Variants in CCDC15 observed in about 807,000 individuals in gnomAD.
CCDC15 encodes the protein coiled-coil domain-containing protein 15.
Under a neutral mutation model 114.5 loss-of-function variants are expected in CCDC15, and 105 were observed. That is an observed-to-expected ratio of 0.92 (90% CI 0.78 to 1.08). The LOEUF (loss-of-function observed/expected upper bound fraction) is 1.08. CCDC15 is among the 50% of genes least tolerant of loss of function. CCDC15 has a pLI of 0.00. For synonymous variants in CCDC15, 334 were observed against 377.8 expected (o/e 0.88, Z 1.34); for missense variants, 1,105 against 1,093.6 (o/e 1.01, Z -0.15).
chr11:124,971,705 A>G (rs1049149431), intron 4 of CCDC15, among the ~76,000 whole-genome samples: 1 of 152,154 alleles, frequency 6.6e-6, no homozygotes, highest in African/African-American at 2.4e-5. Context: ...AGTAAAGTAA[A>G]TAGTTGCATG....
chr11:124,977,623 G>T lies in CCDC15; in HGVS notation c.753+23G>T, dbSNP rs768805729. On this transcript the variant is annotated intron_variant, in intron 6 of 15. Coordinates refer to ENST00000344762, the MANE Select transcript of CCDC15 (RefSeq NM_025004.3). ...CAGGTAGGGAAATATAAAAAGTAGAGGGGAAAGACATTGGCTTATTAGAAG... is the reference window on the plus strand; with the variant it reads ...CAGGTAGGGAAATATAAAAAGTAGATGGGAAAGACATTGGCTTATTAGAAG... The T allele has an allele frequency of 2.9e-5, 47 of 1,593,572 alleles. No individual in the cohort carries two copies. In the African/African-American group the frequency reaches 4.2e-4, roughly 14 times the overall value.
At chr11:124,992,758 G>A in intron 10 of CCDC15, 71 bp downstream of exon 10, 2 of 836,906 alleles carry the variant, frequency 2.4e-6, no homozygotes, top group Admixed American at 5.0e-5. Context: ...TATTAACATT[G>A]AGGCTGAAGC....
At chr11:125,027,223 A>G (rs1948709574) in intron 13 of CCDC15, among the ~76,000 whole-genome samples, 3 of 152,142 alleles carry the variant, frequency 2.0e-5, no homozygotes, top group South Asian at 2.1e-4. Flanking sequence ...TCTTTTTCAT[A>G]TAATGACTTC....
chr11:124,989,282 A>AT (rs1337906903), intron 8 of CCDC15, among the ~76,000 whole-genome samples: 2 of 151,964 alleles, frequency 1.3e-5, no homozygotes, highest in African/African-American at 4.8e-5. Context: ...AGGCATCTTT[A>AT]TTTTTTTTGG....
At chr11:125,034,731 C>A (rs1948764501) in intron 13 of CCDC15, among the ~76,000 whole-genome samples, 1 of 152,058 alleles carries the variant, frequency 6.6e-6, no homozygotes, top group South Asian at 2.1e-4. Flanking sequence ...GTGCCAGGGA[C>A]CATAGTGTTC....
chr11:124,994,551 TGA>T (rs1399223068), intron 11 of CCDC15, among the ~76,000 whole-genome samples: 1 of 152,158 alleles, frequency 6.6e-6, no homozygotes, highest in East Asian at 1.9e-4. Context: ...TTTTACAGTG[TGA>T]GAGGGGAAGA....
chr11:124,980,552 G>C (rs549563786), intron 6 of CCDC15, among the ~76,000 whole-genome samples: 2 of 152,158 alleles, frequency 1.3e-5, no homozygotes, highest in Non-Finnish European at 2.9e-5. Context: ...TCTAGCTTGT[G>C]TGCATAGAGG....
At chr11:125,028,736 A>T (rs977976824) in intron 13 of CCDC15, among the ~76,000 whole-genome samples, 1 of 152,144 alleles carries the variant, frequency 6.6e-6, no homozygotes, top group Non-Finnish European at 1.5e-5. Flanking sequence ...TCATATCATC[A>T]GCAAACAGTG....
At position 124,954,857 on chromosome 11, in the gene CCDC15, T is replaced by A; in HGVS notation, c.125T>A (p.Val42Asp). 1 of 1,613,990 alleles carries A rather than the reference T, an allele frequency of 6.2e-7. No homozygotes were observed. The highest frequency in any genetic ancestry group is 8.5e-7 in the Non-Finnish European group (1 of 1,179,860). Residue 42 changes from valine (V) to aspartate (D), a missense_variant, in exon 2 of 16, where the codon GTT (valine) becomes GAT (aspartate). Physicochemically the swap from Val to Asp is radical, Grantham distance 152 (BLOSUM62 -3). Coordinates refer to ENST00000344762, the MANE Select transcript of CCDC15 (RefSeq NM_025004.3). ...GAGAGGAACGAGGCTATAGTACCAG[T>A]TGGGGCATGGGTGGAACCTGCCTCA... ...LAERNEAIVP[V>D]GAWVEPASPG...
intron 13 of CCDC15, among the ~76,000 whole-genome samples, chr11:125,011,236 A>G (rs1383289320): frequency 7.5e-6 from 1 of 133,622 alleles, no homozygotes; most frequent in Admixed American, 7.2e-5. Context: ...TATTATTATT[A>G]TTATTATTAT....
intron 13 of CCDC15, among the ~76,000 whole-genome samples, chr11:125,015,019 C>T (rs11219867): frequency 6.6e-6 from 1 of 151,554 alleles, no homozygotes; most frequent in Non-Finnish European, 1.5e-5. Flanking sequence ...TCATGGATCA[C>T]AGAAAAAATT....
intron 13 of CCDC15, among the ~76,000 whole-genome samples, chr11:125,034,812 CCCAAAA>C (rs146940239): frequency 4.9e-4 from 74 of 152,124 alleles, no homozygotes; most frequent in African/African-American, 1.7e-3. Flanking sequence ...CTCCAGAAAC[CCCAAAA>C]CCAACAAAAG....
At chr11:124,993,534 C>G (rs528471780) in intron 11 of CCDC15, among the ~76,000 whole-genome samples, 1 of 152,106 alleles carries the variant, frequency 6.6e-6, no homozygotes, top group East Asian at 1.9e-4. Context: ...AACTTATGTT[C>G]AGTGTTTATG....
chr11:125,004,582 A>T (rs951452720), intron 12 of CCDC15, among the ~76,000 whole-genome samples: 2 of 151,996 alleles, frequency 1.3e-5, no homozygotes, highest in African/African-American at 2.4e-5. Context: ...GTATATATAA[A>T]TCCAGAGGAA....
chr11:124,956,943 GC>G, intron 2 of CCDC15, among the ~76,000 whole-genome samples: 1 of 152,214 alleles, frequency 6.6e-6, no homozygotes, highest in South Asian at 2.1e-4. Flanking sequence ...ATTTCAGGGG[GC>G]CATCAGGATT....
chr11:124,969,967 G>A (rs1202686920), intron 4 of CCDC15, among the ~76,000 whole-genome samples: 1 of 152,064 alleles, frequency 6.6e-6, no homozygotes, highest in Non-Finnish European at 1.5e-5. Context: ...CTTCTCATAG[G>A]GTGACCAACC....
intron 13 of CCDC15, among the ~76,000 whole-genome samples, chr11:125,022,343 T>TAC (rs1555074210): frequency 2.6e-5 from 4 of 151,962 alleles, no homozygotes; most frequent in African/African-American, 9.7e-5. Flanking sequence ...TCTCCCCTAT[T>TAC]ACAACTTTAT....
In CCDC15 at chr11:125,029,813, T is replaced by C. The variant is rs369918335; in HGVS notation, c.2412-8618T>C. On this transcript the variant is annotated intron_variant, in intron 13 of 15. Transcript: ENST00000344762. ...TGGATTGGGCTGTTGTAGTTTCCCATTGACCTTAATCACAGGGCATGGTAA... is the reference window on the plus strand; with the variant it reads ...TGGATTGGGCTGTTGTAGTTTCCCACTGACCTTAATCACAGGGCATGGTAA... 1.8e-4 allele frequency among the ~76,000 whole-genome samples: 28 copies of C among 152,176 alleles called. 1 individual carries two copies. Among genetic ancestry groups the C allele is most frequent in the Admixed American group, 1.4e-3 (22 of 15,286 alleles).
intron 13 of CCDC15, among the ~76,000 whole-genome samples, chr11:125,005,902 A>G (rs896407524): frequency 1.3e-5 from 2 of 151,918 alleles, no homozygotes; most frequent in African/African-American, 4.8e-5. Flanking sequence ...TAGCTCATTT[A>G]TTTTTAGCAC....
Sources: allele counts gnomAD v4.1 joint callset (sites outside exome capture counted in the v4.1 genomes callset), GRCh38; gene constraint gnomAD v4.1.1; transcripts MANE v1.5; gene names NCBI Gene and HGNC (gene_info 2026-07-23, HGNC 2026-07-21).